Variants in OVGP1 observed in about 807,000 individuals in gnomAD.
OVGP1 encodes oviductal glycoprotein 1.
OVGP1 carries 26 observed loss-of-function variants against 48.2 expected under a neutral mutation model. The observed-to-expected ratio is 0.54, with a 90% CI of 0.40 to 0.75. The LOEUF is 0.75. Among genes scored for constraint, OVGP1 ranks in the 30% least tolerant of loss-of-function variants. The pLI, the probability that OVGP1 is intolerant of heterozygous loss-of-function variation, is 0.00. For synonymous variants in OVGP1, 294 were observed against 305.7 expected (o/e 0.96, Z 0.40); for missense variants, 791 against 820.6 (o/e 0.96, Z 0.44).
intron 7 of OVGP1, 48 bp downstream of exon 7, chr1:111,421,517 C>T (rs368630234): frequency 4.7e-5 from 75 of 1,608,962 alleles, no homozygotes; most frequent in Non-Finnish European, 5.9e-5. Flanking sequence ...ATGGCCTGAG[C>T]TCAGGGGGGC....
intron 6 of OVGP1, 103 bp from the exon 7 acceptor site, chr1:111,421,776 G>C (rs893394641): frequency 4.1e-6 from 3 of 724,324 alleles, no homozygotes; most frequent in Middle Eastern, 2.5e-4. Context: ...TTGGTCACCA[G>C]AGCTTCCCTG....
At chr1:111,427,169 T>C in intron 1 of OVGP1, 78 bp from the exon 2 acceptor site, 1 of 1,606,240 alleles carries the variant, frequency 6.2e-7, no homozygotes. Flanking sequence ...ACCCTCTGAT[T>C]AGCAAGGGTG....
chr1:111,421,136 T>A, intron 8 of OVGP1, 140 bp downstream of exon 8: 1 of 588,862 alleles, frequency 1.7e-6, no homozygotes, highest in Admixed American at 3.3e-5. Context: ...TCCCAGAGAG[T>A]GGGTTTCTCT....
At position 111,426,591 on chromosome 1, in the gene OVGP1, G is replaced by C; in HGVS notation, c.106C>G (p.Pro36Ala). The change falls in exon 3 of 11, where the codon CCA (proline) becomes GCA (alanine). Residue 36 changes from proline to alanine, a missense_variant. Coordinates refer to ENST00000369732, the MANE Select transcript of OVGP1 (RefSeq NM_002557.4). ...TGGGGCAAGATCGAGGCAGGGCCTG[G>C]CCGACTGTGTGCCCAGTTGGTGAAA... ...CYFTNWAHSR[P>A]GPASILPHDL... The C allele has an allele frequency of 6.2e-7, 1 of 1,614,104 alleles. No individual in the cohort carries two copies. The highest frequency in any genetic ancestry group is 1.1e-5 in the South Asian group (1 of 91,080).
chr1:111,423,506 T>A (rs780977497), intron 5 of OVGP1, 37 bp downstream of exon 5: 12 of 1,605,104 alleles, frequency 7.5e-6, no homozygotes, highest in Non-Finnish European at 8.5e-6. Flanking sequence ...AAAAGTAGAA[T>A]CATTTCTGGA....
At chr1:111,420,894 A>G (rs1652250930) in intron 8 of OVGP1, among the ~76,000 whole-genome samples, 2 of 152,196 alleles carry the variant, frequency 1.3e-5, no homozygotes, top group Admixed American at 6.5e-5. Flanking sequence ...AGTGAGTAGT[A>G]TGTGGGGGAG....
In OVGP1 at chr1:111,415,054, C is replaced by G; in HGVS notation, c.1447G>C (p.Gly483Arg). ...TCTCCAGGGGTCATGGACTGATGAC[C>G]CACAGAAGTCATGGTCATTGCCCCA... is the stretch of plus-strand genomic sequence containing the variant. ...ITGAMTMTSV[G>R]HQSMTPGEKA... Residue 483 changes from glycine to arginine, a missense_variant, in exon 11 of 11, where the codon GGT becomes CGT. Physicochemically the swap from Gly to Arg is moderately radical, Grantham distance 125. Transcript: ENST00000369732. 1 of 1,614,090 alleles carries G rather than the reference C, an allele frequency of 6.2e-7. No individual in the cohort carries two copies. Among genetic ancestry groups the G allele is most frequent in the Non-Finnish European group, 8.5e-7 (1 of 1,179,954 alleles).
intron 5 of OVGP1, 141 bp from the exon 6 acceptor site, chr1:111,423,192 C>G (rs1652316706): frequency 2.1e-6 from 2 of 969,732 alleles, no homozygotes; most frequent in African/African-American, 3.3e-5. Context: ...GGCCATGCCA[C>G]AGGCTCATGA....
At chr1:111,421,787 C>T in intron 6 of OVGP1, 114 bp from the exon 7 acceptor site, 1 of 672,256 alleles carries the variant, frequency 1.5e-6, no homozygotes. Context: ...AGCTTCCCTG[C>T]TCCTTCTGCC....
At chr1:111,422,730 T>G (rs1013068650) in intron 6 of OVGP1, among the ~76,000 whole-genome samples, 197 bp downstream of exon 6, 1 of 152,092 alleles carries the variant, frequency 6.6e-6, no homozygotes. Flanking sequence ...CCCTCTGAGG[T>G]CTAAAGAAAC....
rs571213914 is a variant in OVGP1 at position 111,422,158 on chromosome 1, T to C, written c.609-485A>G. Among the ~76,000 whole-genome samples, 9 of 152,326 alleles carry C rather than the reference T, an allele frequency of 5.9e-5. No homozygotes were observed. The South Asian group carries it at 1.7e-3, about 28-fold the overall frequency. The stretch of plus-strand genomic sequence containing the variant: ...AGTGTAACTATCTCCATTTTAAAGT[T>C]GAAGAAATTGAAACTCAGATAGGTT... On this transcript the variant is annotated intron_variant, in intron 6 of 10. Coordinates refer to ENST00000369732, the MANE Select transcript of OVGP1 (RefSeq NM_002557.4).
chr1:111,421,228 G>T (rs763275063), intron 8 of OVGP1, 48 bp downstream of exon 8: 4 of 1,523,532 alleles, frequency 2.6e-6, no homozygotes, highest in South Asian at 2.6e-5. Flanking sequence ...GCTCCAGCTG[G>T]GGGTGGGAGA....
chr1:111,421,458 A>G lies in OVGP1; in HGVS notation c.721T>C (p.Tyr241His), dbSNP rs1652266610. Residue 241 changes from tyrosine (Y) to histidine (H), a missense_variant, in exon 8 of 11, where the codon TAT becomes CAT. By Grantham distance (83) the Tyr-to-His change is moderately conservative. Transcript: ENST00000369732. ...AGCTTTCTCCAATAATTCATAGCATATGCCTGCAGGTAAGAAGAATCCAGA... is the reference window on the plus strand; with the variant it reads ...AGCTTTCTCCAATAATTCATAGCATGTGCCTGCAGGTAAGAAGAATCCAGA... Reference protein sequence around the residue: ...SLPEDPKSSAYAMNYWRKLGA... With the variant: ...SLPEDPKSSAHAMNYWRKLGA... 1 of 1,610,636 alleles carries G rather than the reference A, an allele frequency of 6.2e-7. No individual in the cohort carries two copies. The highest frequency in any genetic ancestry group is 2.2e-5 in the East Asian group (1 of 44,878).
intron 9 of OVGP1, among the ~76,000 whole-genome samples, chr1:111,418,808 C>T (rs1026877432): frequency 1.3e-5 from 2 of 152,166 alleles, no homozygotes; most frequent in Admixed American, 6.5e-5. Context: ...CTAAGACCTA[C>T]TGAATATTGA....
intron 4 of OVGP1, among the ~76,000 whole-genome samples, chr1:111,424,623 T>C (rs1652354802): frequency 6.6e-6 from 1 of 152,224 alleles, no homozygotes; most frequent in African/African-American, 2.4e-5. Context: ...GCCCAGCATC[T>C]GGAGCACAGG....
At chr1:111,417,072 G>A (rs1400736944) in intron 9 of OVGP1, among the ~76,000 whole-genome samples, 1 of 152,194 alleles carries the variant, frequency 6.6e-6, no homozygotes, top group Non-Finnish European at 1.5e-5. Flanking sequence ...ACATAGGAAT[G>A]CTACATAAGT....
At chr1:111,426,881 C>T in intron 2 of OVGP1, 181 bp downstream of exon 2, 5 of 1,547,676 alleles carry the variant, frequency 3.2e-6, no homozygotes, top group Non-Finnish European at 3.5e-6. Context: ...AAGTCTGGAC[C>T]AAGGCACACA....
chr1:111,416,234 C>T, intron 10 of OVGP1, 89 bp downstream of exon 10: 1 of 1,347,218 alleles, frequency 7.4e-7, no homozygotes, highest in Non-Finnish European at 9.8e-7. Flanking sequence ...CATGTTGCCT[C>T]ACCAAGGCAT....
intron 4 of OVGP1, among the ~76,000 whole-genome samples, chr1:111,424,799 C>T (rs1270548888): frequency 6.6e-6 from 1 of 152,190 alleles, no homozygotes; most frequent in South Asian, 2.1e-4. Context: ...AAGGCAAGTA[C>T]GGCCTCTAAC....
Sources: allele counts gnomAD v4.1 joint callset (sites outside exome capture counted in the v4.1 genomes callset), GRCh38; gene constraint gnomAD v4.1.1; transcripts MANE v1.5; gene names NCBI Gene and HGNC (gene_info 2026-07-23, HGNC 2026-07-21).